Variants in ALDH7A1 observed in about 807,000 individuals in gnomAD.
ALDH7A1 encodes the protein alpha-aminoadipic semialdehyde dehydrogenase.
Under a neutral mutation model 79.9 loss-of-function variants are expected in ALDH7A1, and 63 were observed. The ratio of observed to expected loss-of-function variants is 0.79; its 90% confidence interval spans 0.64 to 0.97. ALDH7A1 has a LOEUF of 0.97. Ranked by LOEUF, ALDH7A1 falls within the 50% of genes least tolerant of loss-of-function variation. ALDH7A1 has a pLI of 0.00. For synonymous variants in ALDH7A1, 240 were observed against 231.2 expected (o/e 1.04, Z -0.34); for missense variants, 627 against 665.2 (o/e 0.94, Z 0.63).
At chr5:126,582,229 T>TC (rs1169364055) in intron 5 of ALDH7A1, 2 of 398,104 alleles carry the variant, frequency 5.0e-6, no homozygotes, top group Admixed American at 4.4e-5. Flanking sequence ...GTCATGGGGG[T>TC]AGGAGGGAAA....
At chr5:126,585,479 G>A (rs1300411038) in intron 3 of ALDH7A1, among the ~76,000 whole-genome samples, 1 of 152,130 alleles carries the variant, frequency 6.6e-6, no homozygotes, top group Admixed American at 6.6e-5. Context: ...TTCTCCCCAA[G>A]TGTATCACTG....
chr5:126,572,681 C>T (rs1424662853), intron 7 of ALDH7A1, among the ~76,000 whole-genome samples: 1 of 152,166 alleles, frequency 6.6e-6, no homozygotes, highest in Non-Finnish European at 1.5e-5. Flanking sequence ...CTGCATGTCC[C>T]TGTGGCCCCT....
intron 9 of ALDH7A1, among the ~76,000 whole-genome samples, chr5:126,563,088 T>C (rs1750457298): frequency 6.6e-6 from 1 of 152,308 alleles, no homozygotes; most frequent in African/African-American, 2.4e-5. Flanking sequence ...TTGACACTAC[T>C]CAACTGTGTA....
chr5:126,591,202 G>A (rs550923888), intron 3 of ALDH7A1, among the ~76,000 whole-genome samples: 3 of 152,126 alleles, frequency 2.0e-5, no homozygotes, highest in Non-Finnish European at 4.4e-5. Context: ...CACTGTTTTG[G>A]ACAGTATTCT....
intron 16 of ALDH7A1, among the ~76,000 whole-genome samples, chr5:126,549,073 C>CAAA (rs58433570): frequency 2.9e-5 from 2 of 69,860 alleles, no homozygotes; most frequent in Non-Finnish European, 5.2e-5. Context: ...GCCCCCAGCT[C>CAAA]AAAAAAAAAA....
At chr5:126,562,569 G>C in intron 9 of ALDH7A1, 1 of 152,332 alleles carries the variant, frequency 6.6e-6, no homozygotes, top group Non-Finnish European at 1.5e-5. Flanking sequence ...TGTACGTTGG[G>C]CCGGGCGTGG....
chr5:126,541,967 G>C lies in ALDH7A1; in HGVS notation c.*2998C>G, dbSNP rs1159246065. On this transcript the variant is annotated 3_prime_UTR_variant, in exon 18 of 18. Transcript: ENST00000409134. The stretch of plus-strand genomic sequence containing the variant: ...AAAACATTTGTGGACCTTTCCAATA[G>C]AAAAAAAAAAAGAGCAAACTCTAAC... 4.1e-5 allele frequency: 6 copies of C among 147,080 alleles called. No individual in the cohort carries two copies. Among genetic ancestry groups the C allele is most frequent in the Non-Finnish European group, 7.5e-5 (5 of 66,726 alleles). 9.1% of individuals were successfully genotyped at this position (147,080 alleles called of 1,614,324 possible). A position where few individuals can be genotyped will look rare whatever the true frequency, so the allele number is the denominator to read the frequency against.
At position 126,594,889 on chromosome 5, in the gene ALDH7A1, C is replaced by T. The variant is rs1483411634; in HGVS notation, c.192+118G>A. 5 of 1,388,396 alleles carry T rather than the reference C, an allele frequency of 3.6e-6. No homozygotes were observed. The African/African-American group carries it at 7.2e-5, about 20-fold the overall frequency. 86.0% of individuals were successfully genotyped at this position (1,388,396 alleles called of 1,614,324 possible). ...CGAGAAAACTTTTACTGTGGAGCTT[C>T]AAAATCTCCCATGCTACTACCGCAT... On this transcript the variant is annotated intron_variant, in intron 1 of 17. Transcript: ENST00000409134.
Position 126,570,053 on chromosome 5 carries a change from CAT to C in ALDH7A1, c.773+727_773+728del, listed in dbSNP as rs1490163753. On this transcript the variant is annotated intron_variant, in intron 8 of 17. Coordinates refer to ENST00000409134, the MANE Select transcript of ALDH7A1 (RefSeq NM_001182.5). ...AAAAGCAGCAAGACACAAAAGGCCA[CAT>C]GTTATATGATTACATTTATACAAAA... 6 of 152,224 alleles carry C rather than the reference CAT, an allele frequency of 3.9e-5. No homozygotes were observed. The East Asian group carries it at 9.6e-4, about 24-fold the overall frequency. 9.4% of individuals were successfully genotyped at this position (152,224 alleles called of 1,614,324 possible).
In ALDH7A1 at chr5:126,544,663, G is replaced by A. The variant is rs775192146; in HGVS notation, c.*302C>T. The stretch of plus-strand genomic sequence containing the variant: ...TTTTCCCAAATTCCTACCCTGGTAC[G>A]TACTATTTTTTTCTAATTACAAAAT... On this transcript the variant is annotated 3_prime_UTR_variant, in exon 18 of 18. Coordinates refer to ENST00000409134, the MANE Select transcript of ALDH7A1 (RefSeq NM_001182.5). The A allele has an allele frequency of 1.0e-4, 39 of 383,124 alleles. No individual in the cohort carries two copies. Among genetic ancestry groups the A allele is most frequent in the Non-Finnish European group, 1.5e-4 (30 of 204,550 alleles). 23.7% of individuals were successfully genotyped at this position (383,124 alleles called of 1,614,324 possible).
rs767172222 is a variant in ALDH7A1, at chr5:126,568,349, T to C, written c.781A>G (p.Met261Val). The stretch of plus-strand genomic sequence containing the variant: ...AGGTTCACTCGTTCATCTTTGGCCA[T>C]TGCTGTGCTGCAAGGGAACAGACAC... ...TCGGADIGTA[M>V]AKDERVNLLS... Residue 261 changes from methionine to valine, a missense_variant, in exon 9 of 18, where the codon ATG (methionine) becomes GTG (valine). Transcript: ENST00000409134. The C allele has an allele frequency of 1.9e-5, 30 of 1,613,982 alleles. No individual in the cohort carries two copies. The highest frequency in any genetic ancestry group is 1.7e-4 in the Middle Eastern group (1 of 6,058).
intron 6 of ALDH7A1, 115 bp from the exon 7 acceptor site, chr5:126,575,579 C>T (rs968183581): frequency 1.1e-6 from 1 of 899,342 alleles, no homozygotes; most frequent in African/African-American, 1.7e-5. Flanking sequence ...TCCAATTAGA[C>T]AACTAACAAG....
rs372660425 is a variant in ALDH7A1, at chr5:126,577,145, T to C, written c.584A>G (p.Asn195Ser). The part of the protein sequence containing the change: ...VGLVGIITAF[N>S]FPVAVYGWNN... Reference sequence around the variant, plus strand: ...CCAACCATACACTGCCACAGGGAAATTGAATGCCGTGATGATTCCAACCAG... The same window carrying C: ...CCAACCATACACTGCCACAGGGAAACTGAATGCCGTGATGATTCCAACCAG... The change falls in exon 6 of 18, where the codon AAT becomes AGT. Residue 195 changes from asparagine (N) to serine (S), a missense_variant. Transcript: ENST00000409134. 19 of 1,614,008 alleles carry C rather than the reference T, an allele frequency of 1.2e-5. No individual in the cohort carries two copies. The highest frequency in any genetic ancestry group is 2.7e-5 in the African/African-American group (2 of 74,910).
chr5:126,577,289 G>T (rs1036464741), intron 5 of ALDH7A1, 78 bp from the exon 6 acceptor site: 1 of 1,522,734 alleles, frequency 6.6e-7, no homozygotes, highest in Non-Finnish European at 9.0e-7. Context: ...CAAACGTACA[G>T]CAGACTGGAG....
chr5:126,589,886 T>G (rs1325939767), intron 3 of ALDH7A1, among the ~76,000 whole-genome samples: 1 of 140,548 alleles, frequency 7.1e-6, no homozygotes, highest in Non-Finnish European at 1.5e-5. Context: ...AGCTGCCCAC[T>G]GTCTGGGAAG....
intron 9 of ALDH7A1, among the ~76,000 whole-genome samples, chr5:126,563,142 T>C (rs78968720): frequency 0.17 from 26,024 of 152,118 alleles, 2,776 homozygotes; most frequent in Middle Eastern, 0.27. Context: ...GTGTGGACTT[T>C]CCCCCACAAT....
intron 12 of ALDH7A1, chr5:126,554,740 A>G (rs1750124054): frequency 5.5e-6 from 2 of 362,962 alleles, no homozygotes; most frequent in Non-Finnish European, 1.1e-5. Context: ...TCAATTACTC[A>G]AAGCACTGCA....
intron 5 of ALDH7A1, among the ~76,000 whole-genome samples, chr5:126,578,268 A>G (rs1751044945): frequency 6.6e-6 from 1 of 152,116 alleles, no homozygotes; most frequent in South Asian, 2.1e-4. Flanking sequence ...CAGCCTGGGC[A>G]ACAGAGGGAG....
chr5:126,574,045 A>T (rs918874427), intron 7 of ALDH7A1, among the ~76,000 whole-genome samples: 1 of 151,000 alleles, frequency 6.6e-6, no homozygotes, highest in Non-Finnish European at 1.5e-5. Flanking sequence ...AAAAAAAAAA[A>T]AGAAAACATA....
Sources: allele counts gnomAD v4.1 joint callset (sites outside exome capture counted in the v4.1 genomes callset), GRCh38; gene constraint gnomAD v4.1.1; transcripts MANE v1.5; gene names NCBI Gene and HGNC (gene_info 2026-07-23, HGNC 2026-07-21).